RALGPS2: variants seen among roughly 807,000 people sequenced by gnomAD.
RALGPS2 encodes the protein ras-specific guanine nucleotide-releasing factor RalGPS2.
A neutral mutation model predicts 86.8 loss-of-function variants in RALGPS2; 43 were observed. That is an observed-to-expected ratio of 0.50 (90% CI 0.39 to 0.64). RALGPS2 has a LOEUF of 0.64. Ranked by LOEUF, RALGPS2 falls within the 30% of genes least tolerant of loss-of-function variation. The pLI, the probability that RALGPS2 is intolerant of heterozygous loss-of-function variation, is 0.00. For synonymous variants in RALGPS2, 243 were observed against 231.3 expected (o/e 1.05, Z -0.46); for missense variants, 536 against 694.6 (o/e 0.77, Z 2.57).
Position 178,748,382 on chromosome 1 carries a change from G to GA in RALGPS2, c.-84+22966dup, listed in dbSNP as rs569808415. Among the ~76,000 whole-genome samples the GA allele has an allele frequency of 5.0e-3, 764 of 151,608 alleles. 2 individuals carry two copies. The highest frequency in any genetic ancestry group is 9.0e-3 in the Non-Finnish European group (613 of 67,938). On this transcript the variant is annotated intron_variant, in intron 1 of 19. Coordinates refer to ENST00000367635, the MANE Select transcript of RALGPS2 (RefSeq NM_152663.5). ...GCAGCTCCACTCCTAGGTATCTACT[G>GA]AAAGGACTTGTGTACTAATGTTCAC...
chr1:178,814,742 A>T lies in RALGPS2; in HGVS notation c.387+3338A>T, dbSNP rs376865895. On this transcript the variant is annotated intron_variant, in intron 6 of 19. Transcript: ENST00000367635. ...TGGGATTACAAGTGTGAGCTACTGT[A>T]CCTGTCCCCTCGTCTCTTTAGCTTT... Among the ~76,000 whole-genome samples, 14 of 151,942 alleles carry T rather than the reference A, an allele frequency of 9.2e-5. No individual in the cohort carries two copies. The East Asian group carries it at 1.9e-3, about 21-fold the overall frequency.
chr1:178,848,687 C>CT (rs1372819416), intron 8 of RALGPS2, among the ~76,000 whole-genome samples: 1 of 152,216 alleles, frequency 6.6e-6, no homozygotes, highest in Non-Finnish European at 1.5e-5. Flanking sequence ...GAGTCTAACT[C>CT]TGTCCCCCAG....
intron 18 of RALGPS2, 118 bp downstream of exon 18, chr1:178,902,329 C>T: frequency 1.4e-6 from 1 of 690,698 alleles, no homozygotes; most frequent in Non-Finnish European, 2.4e-6. Context: ...ACATGAAGAA[C>T]TTGATGAGCC....
chr1:178,788,289 G>T (rs565723440), intron 4 of RALGPS2, among the ~76,000 whole-genome samples: 26 of 152,274 alleles, frequency 1.7e-4, no homozygotes, highest in African/African-American at 6.0e-4. Flanking sequence ...ATATTTACTG[G>T]ATGCCTATTG....
chr1:178,748,003 G>T (rs922870668), intron 1 of RALGPS2, among the ~76,000 whole-genome samples: 2 of 152,194 alleles, frequency 1.3e-5, no homozygotes, highest in African/African-American at 4.8e-5. Context: ...TACTTTAGGA[G>T]ACAGTTTGGT....
At chr1:178,745,167 G>A (rs956631851) in intron 1 of RALGPS2, among the ~76,000 whole-genome samples, 3 of 152,262 alleles carry the variant, frequency 2.0e-5, no homozygotes, top group Middle Eastern at 3.4e-3. Flanking sequence ...GAGAAGACTC[G>A]TTGCTAAGAA....
intron 6 of RALGPS2, among the ~76,000 whole-genome samples, chr1:178,820,928 A>AT (rs1655468908): frequency 6.6e-6 from 1 of 152,226 alleles, no homozygotes; most frequent in South Asian, 2.1e-4. Flanking sequence ...AAAATGACTG[A>AT]TTTTTAGACA....
At chr1:178,909,522 G>C (rs966539769) in intron 19 of RALGPS2, among the ~76,000 whole-genome samples, 7 of 151,932 alleles carry the variant, frequency 4.6e-5, no homozygotes, top group African/African-American at 1.5e-4. Context: ...GGTTGGTTTG[G>C]ACAATATGGA....
At chr1:178,739,327 C>G (rs1650894606) in intron 1 of RALGPS2, among the ~76,000 whole-genome samples, 1 of 152,168 alleles carries the variant, frequency 6.6e-6, no homozygotes, top group Non-Finnish European at 1.5e-5. Flanking sequence ...TTGTTCATGT[C>G]TTCTTGGTCA....
Position 178,729,500 on chromosome 1 carries a change from A to G in RALGPS2, c.-84+4081A>G, listed in dbSNP as rs530469790. Among the ~76,000 whole-genome samples, 14 of 152,310 alleles carry G rather than the reference A, an allele frequency of 9.2e-5. No homozygotes were observed. In the East Asian group the frequency reaches 2.7e-3, roughly 29 times the overall value. On this transcript the variant is annotated intron_variant, in intron 1 of 19. Transcript: ENST00000367635. Reference sequence around the variant, plus strand: ...GGTTTTGTTCCTTTTTTAAAAAAAGATTAATATTTGATTTATACAGCTGTG... The same window carrying G: ...GGTTTTGTTCCTTTTTTAAAAAAAGGTTAATATTTGATTTATACAGCTGTG...
chr1:178,882,639 T>C (rs768071932), intron 10 of RALGPS2, among the ~76,000 whole-genome samples: 22 of 152,210 alleles, frequency 1.4e-4, no homozygotes, highest in Non-Finnish European at 8.8e-5. Context: ...GACTCCGCAA[T>C]ATTAAGCTTC....
intron 5 of RALGPS2, among the ~76,000 whole-genome samples, chr1:178,808,369 C>G (rs1040828504): frequency 2.0e-5 from 3 of 151,884 alleles, no homozygotes; most frequent in African/African-American, 4.8e-5. Flanking sequence ...TTTTTGTCCT[C>G]CATTCTGAGT....
chr1:178,896,955 A>G (rs901018161), intron 16 of RALGPS2, among the ~76,000 whole-genome samples: 7 of 151,496 alleles, frequency 4.6e-5, no homozygotes, highest in Admixed American at 3.9e-4. Flanking sequence ...AGCATGATTT[A>G]TAGTCCTTTG....
At chr1:178,808,771 T>C (rs1654850797) in intron 5 of RALGPS2, among the ~76,000 whole-genome samples, 1 of 152,200 alleles carries the variant, frequency 6.6e-6, no homozygotes, top group Admixed American at 6.6e-5. Context: ...GTTTATTGTT[T>C]TGCTTGGGGC....
At chr1:178,785,992 T>C (rs1468232139) in intron 4 of RALGPS2, among the ~76,000 whole-genome samples, 1 of 152,106 alleles carries the variant, frequency 6.6e-6, no homozygotes, top group Non-Finnish European at 1.5e-5. Context: ...TGTACTCGGT[T>C]CTTACAATAA....
At position 178,793,941 on chromosome 1, in the gene RALGPS2, G is replaced by C. The variant is rs546137442; in HGVS notation, c.213+8334G>C. Reference sequence around the variant, plus strand: ...GAATTTTCCAATGCTGAGTAGGGCAGAAGTTTTGCCAAAGGATTCTGTAGT... The same window carrying C: ...GAATTTTCCAATGCTGAGTAGGGCACAAGTTTTGCCAAAGGATTCTGTAGT... On this transcript the variant is annotated intron_variant, in intron 4 of 19. Transcript: ENST00000367635. Among the ~76,000 whole-genome samples the C allele has an allele frequency of 4.6e-5, 7 of 152,278 alleles. No homozygotes were observed. In the South Asian group the frequency reaches 1.5e-3, roughly 32 times the overall value.
chr1:178,792,766 T>C (rs571816697), intron 4 of RALGPS2, among the ~76,000 whole-genome samples: 1 of 152,308 alleles, frequency 6.6e-6, no homozygotes, highest in African/African-American at 2.4e-5. Flanking sequence ...TCCCCCTTCC[T>C]CTTGATATGT....
At chr1:178,747,550 A>G in intron 1 of RALGPS2, 1 of 1,611,990 alleles carries the variant, frequency 6.2e-7, no homozygotes, top group Non-Finnish European at 8.5e-7. Context: ...GCCAAACCAT[A>G]AGCCAGAAAT....
intron 1 of RALGPS2, among the ~76,000 whole-genome samples, chr1:178,754,441 C>T (rs1651850927): frequency 6.6e-6 from 1 of 152,030 alleles, no homozygotes; most frequent in South Asian, 2.1e-4. Context: ...AGTTCTAGTC[C>T]AAAAGCCAGC....
Sources: allele counts gnomAD v4.1 joint callset (sites outside exome capture counted in the v4.1 genomes callset), GRCh38; gene constraint gnomAD v4.1.1; transcripts MANE v1.5; gene names NCBI Gene and HGNC (gene_info 2026-07-23, HGNC 2026-07-21).